SYT6: variants seen among roughly 807,000 people sequenced by gnomAD.
SYT6 encodes the protein synaptotagmin-6.
A neutral mutation model predicts 38.4 loss-of-function variants in SYT6; 24 were observed. The ratio of observed to expected loss-of-function variants is 0.62; its 90% CI spans 0.45 to 0.88. The LOEUF is 0.88. Ranked by LOEUF, SYT6 falls within the 40% of genes least tolerant of loss-of-function variation. The pLI, the probability that SYT6 is intolerant of heterozygous loss-of-function variation, is 0.00. For missense variants in SYT6, 611 were observed against 621.0 expected (o/e 0.98, Z 0.17); for synonymous variants, 265 against 241.9 (o/e 1.10, Z -0.89).
At position 114,099,281 on chromosome 1, in the gene SYT6, C is replaced by G. The variant is rs373245305; in HGVS notation, c.1193-16G>C. On this transcript the variant is annotated splice_polypyrimidine_tract_variant and intron_variant, in intron 4 of 7. Transcript: ENST00000610222. ...ACATAGGGATCTGTGCCAATGGGGA[C>G]AGAGAAAAGGGAATGGAGTATGTTA... 6.2e-7 allele frequency: 1 copy of G among 1,603,156 alleles called. No homozygotes were observed.
chr1:114,091,933 G>A lies in SYT6; in HGVS notation c.*201C>T, dbSNP rs1675325691. ...TGCCGCTGCTGCCGCCACTGCGACT[G>A]CACAACACTGTTTAGACGGTTGAAC... On this transcript the variant is annotated 3_prime_UTR_variant, in exon 8 of 8. Coordinates refer to ENST00000610222, the MANE Select transcript of SYT6 (RefSeq NM_001253772.2). 7 of 1,463,098 alleles carry A rather than the reference G, an allele frequency of 4.8e-6. No homozygotes were observed. The highest frequency in any genetic ancestry group is 6.5e-6 in the Non-Finnish European group (7 of 1,082,010). The allele number at this position is 1,463,098 out of a possible 1,614,324, so 90.6% of individuals were successfully genotyped here.
chr1:114,134,825 A>T (rs1225159390), intron 3 of SYT6, among the ~76,000 whole-genome samples: 1 of 152,226 alleles, frequency 6.6e-6, no homozygotes, highest in African/African-American at 2.4e-5. Flanking sequence ...GGCTGCGCTC[A>T]TCTCATCAGT....
intron 1 of SYT6, among the ~76,000 whole-genome samples, chr1:114,145,800 A>C (rs1679128105): frequency 6.6e-6 from 1 of 152,178 alleles, no homozygotes; most frequent in African/African-American, 2.4e-5. Flanking sequence ...TTTAATGAGA[A>C]GGGGAGTAGG....
At chr1:114,144,004 C>T (rs1342705600) in intron 1 of SYT6, among the ~76,000 whole-genome samples, 4 of 152,178 alleles carry the variant, frequency 2.6e-5, no homozygotes, top group Non-Finnish European at 5.9e-5. Context: ...AGGCTCTGAA[C>T]CAAGGGCATA....
chr1:114,144,223 C>T (rs77035017), intron 1 of SYT6, among the ~76,000 whole-genome samples: 3,874 of 152,312 alleles, frequency 0.025, 163 homozygotes, highest in African/African-American at 0.089. Flanking sequence ...ATGTCCTCAC[C>T]AGCTCAACCC....
intron 3 of SYT6, among the ~76,000 whole-genome samples, chr1:114,105,545 T>G (rs1202238066): frequency 6.6e-6 from 1 of 151,062 alleles, no homozygotes; most frequent in African/African-American, 2.4e-5. Context: ...GGGCACACTG[T>G]GGAGACAGCC....
intron 3 of SYT6, 72 bp downstream of exon 3, chr1:114,137,419 TGAGG>T: frequency 2.0e-6 from 3 of 1,501,190 alleles, no homozygotes; most frequent in Non-Finnish European, 2.7e-6. Context: ...CTCTAGGAAG[TGAGG>T]GTTTGGGGAC....
At chr1:114,125,720 G>T (rs1018608800) in intron 3 of SYT6, among the ~76,000 whole-genome samples, 2 of 152,140 alleles carry the variant, frequency 1.3e-5, no homozygotes, top group Non-Finnish European at 2.9e-5. Context: ...AGCTCACCTT[G>T]TCTCCTTCCT....
chr1:114,143,198 AT>A (rs1357013364), intron 1 of SYT6, among the ~76,000 whole-genome samples: 1 of 148,812 alleles, frequency 6.7e-6, no homozygotes, highest in African/African-American at 2.5e-5. Context: ...ATTTTATACT[AT>A]ATATATTTTA....
rs1017853269 is a variant in SYT6 at position 114,090,275 on chromosome 1, A to C, written c.*1859T>G. 2 of 152,384 alleles carry C rather than the reference A, an allele frequency of 1.3e-5. No individual in the cohort carries two copies. Among genetic ancestry groups the C allele is most frequent in the Non-Finnish European group, 2.9e-5 (2 of 68,050 alleles). 9.4% of individuals were successfully genotyped at this position (152,384 alleles called of 1,614,324 possible). A position where few individuals can be genotyped will look rare whatever the true frequency, so the allele number is the denominator to read the frequency against. Reference sequence around the variant, plus strand: ...GAGAACACCCAAATGTAGGACTACCAGACTAGGAAGGCCTGTCAATGACAA... The same window carrying C: ...GAGAACACCCAAATGTAGGACTACCCGACTAGGAAGGCCTGTCAATGACAA... On this transcript the variant is annotated 3_prime_UTR_variant, in exon 8 of 8. Coordinates refer to ENST00000610222, the MANE Select transcript of SYT6 (RefSeq NM_001253772.2).
chr1:114,119,940 A>G (rs564197665), intron 3 of SYT6, among the ~76,000 whole-genome samples: 1 of 152,118 alleles, frequency 6.6e-6, no homozygotes, highest in South Asian at 2.1e-4. Flanking sequence ...GCATGGTGGC[A>G]GGCACCTGTA....
intron 3 of SYT6, among the ~76,000 whole-genome samples, chr1:114,130,301 G>C (rs1162313888): frequency 1.3e-5 from 2 of 152,214 alleles, no homozygotes; most frequent in Non-Finnish European, 2.9e-5. Flanking sequence ...ACAAGAGCAG[G>C]GACTTTGTTG....
At position 114,129,623 on chromosome 1, in the gene SYT6, T is replaced by TTC. The variant is rs1474028167; in HGVS notation, c.1071+7870_1071+7871dup. Among the ~76,000 whole-genome samples, 276 of 105,786 alleles carry TTC rather than the reference T, an allele frequency of 2.6e-3. 1 individual carries two copies. The highest frequency in any genetic ancestry group is 9.0e-3 in the African/African-American group (265 of 29,460). The allele number at this position is 105,786 out of a possible 152,430, so 69.4% of individuals were successfully genotyped here. ...TTCTTTCTTTCTTTCTTTCCTTTCT[T>TTC]TCTTTCTTTCTTTCTTTCTCTTTCT... On this transcript the variant is annotated intron_variant, in intron 3 of 7. Transcript: ENST00000610222.
chr1:114,123,618 T>A (rs1244976173), intron 3 of SYT6, among the ~76,000 whole-genome samples: 1 of 152,198 alleles, frequency 6.6e-6, no homozygotes, highest in East Asian at 1.9e-4. Context: ...TCTTTCCTTT[T>A]GGGTTTTCTT....
chr1:114,117,974 C>T (rs1255015497), intron 3 of SYT6, among the ~76,000 whole-genome samples: 1 of 152,234 alleles, frequency 6.6e-6, no homozygotes, highest in Non-Finnish European at 1.5e-5. Context: ...CACTTTCGGG[C>T]CCCTTCCTGT....
At chr1:114,096,501 A>T (rs1029391842) in intron 6 of SYT6, among the ~76,000 whole-genome samples, 1 of 152,200 alleles carries the variant, frequency 6.6e-6, no homozygotes, top group African/African-American at 2.4e-5. Context: ...CCTGTCCTCC[A>T]TCCCCCAACA....
chr1:114,108,266 CT>C (rs1676449860), intron 3 of SYT6, among the ~76,000 whole-genome samples: 1 of 152,210 alleles, frequency 6.6e-6, no homozygotes, highest in African/African-American at 2.4e-5. Context: ...GCTCACCTAT[CT>C]ATAGCACAAC....
chr1:114,133,767 A>G (rs1441524133), intron 3 of SYT6, among the ~76,000 whole-genome samples: 1 of 152,204 alleles, frequency 6.6e-6, no homozygotes, highest in East Asian at 1.9e-4. Flanking sequence ...CCAGTGGGGC[A>G]TGTTAGCTGC....
intron 3 of SYT6, among the ~76,000 whole-genome samples, chr1:114,128,754 CCTGGCTTTCCTCTTTTCCCTG>C (rs1164099853): frequency 6.6e-6 from 1 of 152,230 alleles, no homozygotes; most frequent in Non-Finnish European, 1.5e-5. Flanking sequence ...ACTGTACCCT[CCTGGCTTTCCTCTTTTCCCTG>C]CTGTTAGTCT....
Sources: gnomAD v4.1 joint callset for allele counts (sites outside exome capture counted in the v4.1 genomes callset) on GRCh38, gnomAD v4.1.1 for gene constraint, MANE v1.5 for transcripts, NCBI Gene and HGNC (gene_info 2026-07-23, HGNC 2026-07-21) for gene names.